The following RAB38 variants were observed in gnomAD, a reference collection of about 807,000 sequenced individuals.
RAB38 encodes RAB38, member RAS oncogene family, also known as ras-related protein Rab-38.
Under a neutral mutation model 18.4 loss-of-function variants are expected in RAB38, and 15 were observed. The ratio of observed to expected loss-of-function variants is 0.82; its 90% CI spans 0.55 to 1.26. The LOEUF (loss-of-function observed/expected upper bound fraction) is 1.26, where lower values mean the gene tolerates loss of function less well. Among genes scored for constraint, RAB38 ranks in the 50% most tolerant of loss-of-function variants. The probability of loss-of-function intolerance (pLI) is 0.00; values close to 1 mark genes in which losing one functional copy is unlikely to be tolerated. For missense variants in RAB38, 294 were observed against 267.4 expected (o/e 1.10, Z -0.69); for synonymous variants, 101 against 104.4 (o/e 0.97, Z 0.20).
the RAB38 span, among the ~76,000 whole-genome samples, chr11:88,068,927 G>A: frequency 2.6e-5 from 4 of 152,332 alleles, no homozygotes; most frequent in East Asian, 1.9e-4. Context: ...GCACCTCCTC[G>A]GCCTCGGTGG....
the RAB38 span, among the ~76,000 whole-genome samples, chr11:87,914,224 T>A: frequency 6.6e-6 from 1 of 152,204 alleles, no homozygotes; most frequent in African/African-American, 2.4e-5. Flanking sequence ...TTTTAGAGAT[T>A]AAATGGCTGT....
At chr11:87,933,124 A>T in the RAB38 span, among the ~76,000 whole-genome samples, 1 of 152,226 alleles carries the variant, frequency 6.6e-6, no homozygotes, top group South Asian at 2.1e-4. Flanking sequence ...AACTGACTCA[A>T]GTTCCAGATT....
chr11:87,923,573 G>GTGCGTGTGTGTGTGTGTT, the RAB38 span, among the ~76,000 whole-genome samples: 1 of 150,294 alleles, frequency 6.7e-6, no homozygotes, highest in Non-Finnish European at 1.5e-5. Flanking sequence ...GTGTGTGTGT[G>GTGCGTGTGTGTGTGTGTT]TGCATGTGTG....
At chr11:87,939,148 T>C in the RAB38 span, among the ~76,000 whole-genome samples, 2 of 152,092 alleles carry the variant, frequency 1.3e-5, no homozygotes, top group Non-Finnish European at 2.9e-5. Flanking sequence ...ACTCCCCCAT[T>C]AGAGCTCCCA....
At chr11:87,935,967 T>C in the RAB38 span, among the ~76,000 whole-genome samples, 3 of 152,284 alleles carry the variant, frequency 2.0e-5, no homozygotes, top group African/African-American at 7.2e-5. Flanking sequence ...TGTCTCTTTA[T>C]GTCTTGTGCC....
chr11:88,030,662 C>A, the RAB38 span, among the ~76,000 whole-genome samples: 1 of 152,164 alleles, frequency 6.6e-6, no homozygotes, highest in South Asian at 2.1e-4. Context: ...CATACACTCT[C>A]CCAAGTCTAA....
the RAB38 span, among the ~76,000 whole-genome samples, chr11:87,855,150 A>AT: frequency 6.6e-6 from 1 of 151,692 alleles, no homozygotes; most frequent in Admixed American, 6.6e-5. Flanking sequence ...AGTTTCCCTC[A>AT]TTTTTTTCTA....
At chr11:88,062,081 T>C in the RAB38 span, 9 of 152,172 alleles carry the variant, frequency 5.9e-5, no homozygotes, top group Non-Finnish European at 7.4e-5. Context: ...AGTATGAATA[T>C]TTGAAGAAAT....
At chr11:87,865,659 T>A in the RAB38 span, among the ~76,000 whole-genome samples, 8,860 of 150,240 alleles carry the variant, frequency 0.059, 362 homozygotes, top group Non-Finnish European at 0.083. Flanking sequence ...TAATACATGA[T>A]CAAGAAAGGA....
chr11:88,019,611 A>C, the RAB38 span, among the ~76,000 whole-genome samples: 56 of 152,162 alleles, frequency 3.7e-4, no homozygotes, highest in African/African-American at 1.4e-3. Context: ...TCACAAGGAA[A>C]AATACAGCCC....
chr11:88,022,066 A>G, the RAB38 span, among the ~76,000 whole-genome samples: 326 of 152,084 alleles, frequency 2.1e-3, 3 homozygotes, highest in South Asian at 0.023. Flanking sequence ...CTACAGGCCA[A>G]TATCTCTGAT....
chr11:88,061,029 A>G, the RAB38 span, among the ~76,000 whole-genome samples: 23 of 152,200 alleles, frequency 1.5e-4, no homozygotes, highest in African/African-American at 5.1e-4. Context: ...AGGTGAGGAA[A>G]TTATTAATGA....
chr11:88,116,240 T>C (rs554388381), intron 2 of RAB38, among the ~76,000 whole-genome samples: 2 of 152,306 alleles, frequency 1.3e-5, no homozygotes, highest in Non-Finnish European at 2.9e-5. Context: ...GCCTGTCCGA[T>C]GGTCCCCTAC....
At chr11:87,957,439 A>AC in the RAB38 span, among the ~76,000 whole-genome samples, 2 of 151,950 alleles carry the variant, frequency 1.3e-5, no homozygotes, top group African/African-American at 2.4e-5. Flanking sequence ...GTTTTATGTG[A>AC]CCCCCATACC....
the RAB38 span, among the ~76,000 whole-genome samples, chr11:87,830,817 G>A: frequency 3.3e-5 from 5 of 151,782 alleles, no homozygotes; most frequent in African/African-American, 1.2e-4. Flanking sequence ...ATGAAATTTT[G>A]AGACAGGGTC....
chr11:88,148,922 T>A (rs888986260), intron 2 of RAB38, among the ~76,000 whole-genome samples: 1 of 150,298 alleles, frequency 6.7e-6, no homozygotes, highest in African/African-American at 2.4e-5. Context: ...CATGAAAGTA[T>A]TTTTTTTTTC....
the RAB38 span, among the ~76,000 whole-genome samples, chr11:87,966,831 T>C: frequency 6.6e-6 from 1 of 152,234 alleles, no homozygotes; most frequent in Non-Finnish European, 1.5e-5. Flanking sequence ...TCAAAATTTA[T>C]TGGGTGTGAG....
At chr11:88,005,211 G>C in the RAB38 span, among the ~76,000 whole-genome samples, 601 of 151,388 alleles carry the variant, frequency 4.0e-3, 3 homozygotes, top group African/African-American at 0.014. Context: ...TAAACTCAGA[G>C]AATTCACACT....
chr11:87,964,655 G>C, the RAB38 span, among the ~76,000 whole-genome samples: 15 of 152,118 alleles, frequency 9.9e-5, no homozygotes, highest in African/African-American at 3.6e-4. Context: ...GGTATTACCT[G>C]CTTCCTCCTT....
Sources: allele counts gnomAD v4.1 joint callset (sites outside exome capture counted in the v4.1 genomes callset), GRCh38; gene constraint gnomAD v4.1.1; transcripts MANE v1.5; gene names NCBI Gene and HGNC (gene_info 2026-07-23, HGNC 2026-07-21).